RBPJ: variants seen among roughly 807,000 people sequenced by gnomAD.
RBPJ encodes the protein recombination signal binding protein for immunoglobulin kappa J region.
A neutral mutation model predicts 67.8 loss-of-function variants in RBPJ; 9 were observed. The ratio of observed to expected loss-of-function variants is 0.13; its 90% CI spans 0.08 to 0.23. RBPJ has a LOEUF of 0.23. Among genes scored for constraint, RBPJ ranks in the 10% least tolerant of loss-of-function variants. The pLI is 1.00. For missense variants in RBPJ, 305 were observed against 595.6 expected (o/e 0.51, Z 5.08); for synonymous variants, 198 against 203.3 (o/e 0.97, Z 0.22).
intron 2 of RBPJ, among the ~76,000 whole-genome samples, chr4:26,403,093 C>G (rs2725321): frequency 6.6e-6 from 1 of 152,066 alleles, no homozygotes; most frequent in Non-Finnish European, 1.5e-5. Flanking sequence ...AAATTAATTA[C>G]GTATTTTTAA....
chr4:26,332,942 C>G (rs565438287), intron 1 of RBPJ, among the ~76,000 whole-genome samples: 4 of 152,336 alleles, frequency 2.6e-5, no homozygotes, highest in African/African-American at 9.6e-5. Flanking sequence ...AGCCACCATG[C>G]CTGGCCTCAA....
At chr4:26,409,432 G>A (rs3109849) in intron 3 of RBPJ, among the ~76,000 whole-genome samples, 2 of 151,978 alleles carry the variant, frequency 1.3e-5, no homozygotes, top group Non-Finnish European at 2.9e-5. Context: ...AACATATATA[G>A]AGAGCTGTAG....
chr4:26,383,209 G>T (rs529227304), intron 1 of RBPJ, among the ~76,000 whole-genome samples: 100 of 152,160 alleles, frequency 6.6e-4, no homozygotes, highest in African/African-American at 2.3e-3. Context: ...TGTAATTGTC[G>T]ACTTGATCTA....
intron 1 of RBPJ, 35 bp from the exon 2 acceptor site, chr4:26,386,314 GCTTA>G (rs553969592): frequency 1.8e-4 from 265 of 1,489,640 alleles, no homozygotes; most frequent in Non-Finnish European, 2.3e-4. Context: ...GTATCATAAA[GCTTA>G]CTTAACTTTA....
chr4:26,215,672 G>A (rs908376189), intron 1 of RBPJ, among the ~76,000 whole-genome samples: 1 of 152,084 alleles, frequency 6.6e-6, no homozygotes, highest in Non-Finnish European at 1.5e-5. Flanking sequence ...GGAGTGTCAC[G>A]AAAACAGGGT....
chr4:26,116,462 T>A, the RBPJ span, among the ~76,000 whole-genome samples: 2 of 152,252 alleles, frequency 1.3e-5, no homozygotes. Flanking sequence ...TCCCACCTGC[T>A]ATTGCAGAAA....
At chr4:26,144,181 C>T in the RBPJ span, among the ~76,000 whole-genome samples, 2 of 150,380 alleles carry the variant, frequency 1.3e-5, no homozygotes, top group Non-Finnish European at 2.9e-5. Flanking sequence ...CAAAATGCAA[C>T]TCAAGATTTA....
intron 1 of RBPJ, among the ~76,000 whole-genome samples, chr4:26,362,007 C>T (rs530854210): frequency 2.6e-5 from 4 of 152,164 alleles, no homozygotes; most frequent in African/African-American, 4.8e-5. Flanking sequence ...TGGAATTAAC[C>T]GGATTCATTA....
chr4:26,319,360 G>A (rs1722794289), upstream of RBPJ, among the ~76,000 whole-genome samples: 1 of 152,150 alleles, frequency 6.6e-6, no homozygotes, highest in South Asian at 2.1e-4. Flanking sequence ...GCGTCACAGG[G>A]CGTGTGCGTG....
At chr4:26,214,695 AGGAT>A (rs201782114) in intron 1 of RBPJ, among the ~76,000 whole-genome samples, 2,986 of 86,484 alleles carry the variant, frequency 0.035, 174 homozygotes, top group African/African-American at 0.17. Flanking sequence ...AGAGGGAGGA[AGGAT>A]GGAAGGAAGG....
At chr4:26,137,985 T>C in the RBPJ span, among the ~76,000 whole-genome samples, 9 of 152,202 alleles carry the variant, frequency 5.9e-5, no homozygotes, top group African/African-American at 9.7e-5. Flanking sequence ...TGAGGGAGTG[T>C]GATTTCTCAA....
Position 26,431,762 on chromosome 4 carries a change from A to G in RBPJ, c.*755A>G, listed in dbSNP as rs571801458. On this transcript the variant is annotated 3_prime_UTR_variant, in exon 11 of 11. Transcript: ENST00000355476. ...AAAAAATGCCTCTGCCTTGCCTGCA[A>G]TACATGCAATGTATGTTAACTTAGT... 6.6e-6 allele frequency: 1 copy of G among 152,294 alleles called. No individual in the cohort carries two copies. The highest frequency in any genetic ancestry group is 2.1e-4 in the South Asian group (1 of 4,828). The allele number at this position is 152,294 out of a possible 1,614,324, so 9.4% of individuals were successfully genotyped here.
intron 1 of RBPJ, among the ~76,000 whole-genome samples, chr4:26,353,433 G>T (rs543447224): frequency 5.9e-5 from 9 of 152,232 alleles, no homozygotes; most frequent in African/African-American, 2.2e-4. Flanking sequence ...CTTCCTGCAA[G>T]TTACTTCACA....
the RBPJ span, among the ~76,000 whole-genome samples, chr4:26,146,619 A>C: frequency 6.6e-6 from 1 of 152,172 alleles, no homozygotes; most frequent in Non-Finnish European, 1.5e-5. Context: ...ACTGGGAGAA[A>C]ATATTTGTAA....
intron 1 of RBPJ, among the ~76,000 whole-genome samples, chr4:26,203,117 G>C (rs1412766768): frequency 6.6e-6 from 1 of 152,078 alleles, no homozygotes; most frequent in African/African-American, 2.4e-5. Flanking sequence ...GGCTAAAAAG[G>C]GTCTATCTGT....
At chr4:26,155,245 C>G in the RBPJ span, among the ~76,000 whole-genome samples, 82 of 152,206 alleles carry the variant, frequency 5.4e-4, no homozygotes, top group Non-Finnish European at 9.7e-4. Context: ...CCAGCTAACT[C>G]TTACAGATAT....
chr4:26,317,523 GA>G (rs1722695218), upstream of RBPJ, among the ~76,000 whole-genome samples: 1 of 152,136 alleles, frequency 6.6e-6, no homozygotes, highest in Non-Finnish European at 1.5e-5. Context: ...GAAAGTCATG[GA>G]GGAGTTCTAG....
intron 1 of RBPJ, among the ~76,000 whole-genome samples, chr4:26,304,873 T>A (rs961782933): frequency 1.3e-5 from 2 of 152,150 alleles, no homozygotes; most frequent in Non-Finnish European, 2.9e-5. Context: ...TCTATTTTTT[T>A]AATTTGTTGC....
intron 1 of RBPJ, among the ~76,000 whole-genome samples, chr4:26,311,538 CA>C (rs758416652): frequency 2.3e-3 from 289 of 124,414 alleles, no homozygotes; most frequent in Middle Eastern, 4.1e-3. Context: ...GACTCGGTCT[CA>C]AAAAAAAAAA....
Sources: allele counts gnomAD v4.1 joint callset (sites outside exome capture counted in the v4.1 genomes callset), GRCh38; gene constraint gnomAD v4.1.1; transcripts MANE v1.5; gene names NCBI Gene and HGNC (gene_info 2026-07-23, HGNC 2026-07-21).